The following TG variants were observed in gnomAD, a reference collection of about 807,000 sequenced individuals.
TG encodes thyroglobulin.
Under a neutral mutation model 324.7 loss-of-function variants are expected in TG, and 270 were observed. The ratio of observed to expected loss-of-function variants is 0.83; its 90% CI spans 0.75 to 0.92. The LOEUF (loss-of-function observed/expected upper bound fraction) is 0.92, where lower values mean the gene tolerates loss of function less well. Among genes scored for constraint, TG ranks in the 40% least tolerant of loss-of-function variants. The pLI, the probability that TG is intolerant of heterozygous loss-of-function variation, is 0.00. For synonymous variants in TG, 1,401 were observed against 1,327.0 expected, an observed-to-expected ratio of 1.06 and a Z score of -1.21; for missense variants, 3,591 against 3,456.4, an observed-to-expected ratio of 1.04 and a Z score of -0.98.
rs146692559 is a variant in TG at position 133,095,067 on chromosome 8, C to T, written c.7263C>T (p.Ala2421=). 71 of 1,613,814 alleles carry T rather than the reference C, an allele frequency of 4.4e-5. No individual in the cohort carries two copies. The African/African-American group carries it at 5.6e-4, about 13-fold the overall frequency. Residue 2421 remains alanine, a synonymous_variant, in exon 42 of 48, where the codon GCC becomes GCT. Coordinates refer to ENST00000220616, the MANE Select transcript of TG (RefSeq NM_003235.5). ...VLMGGSALSP[A]AVISHERAQQ... The stretch of plus-strand genomic sequence containing the variant: ...AGGGAGGCTCCGCACTCTCCCCGGC[C>T]GCCGTCATCAGCCATGAGAGGGCTC...
intron 41 of TG, among the ~76,000 whole-genome samples, chr8:133,071,732 C>T (rs766561046): frequency 6.6e-5 from 10 of 152,160 alleles, no homozygotes; most frequent in Admixed American, 2.6e-4. Flanking sequence ...ATGAAACCGA[C>T]TGCACTGACT....
In TG at chr8:132,886,515, C is replaced by A; in HGVS notation, c.1143C>A (p.Gly381=). 1 of 1,614,154 alleles carries A rather than the reference C, an allele frequency of 6.2e-7. No individual in the cohort carries two copies. Among genetic ancestry groups the A allele is most frequent in the East Asian group, 2.2e-5 (1 of 44,884 alleles). The change falls in exon 9 of 48, where the codon GGC becomes GGA. Residue 381 remains glycine (G), a synonymous_variant. Coordinates refer to ENST00000220616, the MANE Select transcript of TG (RefSeq NM_003235.5). ...CCAGACTCTACTTTGGGACCTCAGG[C>A]TACTTCAGCCAGCACGACCTGTTCT... is the stretch of plus-strand genomic sequence containing the variant. ...ALSRLYFGTS[G]YFSQHDLFSS... is the part of the protein sequence containing the mutation.
At position 132,887,000 on chromosome 8, in the gene TG, C is replaced by T. The variant is rs763864684; in HGVS notation, c.1628C>T (p.Thr543Ile). The change falls in exon 9 of 48, where the codon ACT becomes ATT. Residue 543 changes from threonine to isoleucine, a missense_variant. By Grantham distance (89) the Thr-to-Ile change is moderately conservative (BLOSUM62 -1). Coordinates refer to ENST00000220616, the MANE Select transcript of TG (RefSeq NM_003235.5). ...GTPEAAKKDG[T>I]MNKPTVGSFG... ...CCTGAAGCTGCTAAGAAGGATGGTACTATGAATAAGCCAACTGTGGGCAGC... is the reference window on the plus strand; with the variant it reads ...CCTGAAGCTGCTAAGAAGGATGGTATTATGAATAAGCCAACTGTGGGCAGC... The T allele has an allele frequency of 6.2e-7, 1 of 1,614,206 alleles. No individual in the cohort carries two copies. Among genetic ancestry groups the T allele is most frequent in the South Asian group, 1.1e-5 (1 of 91,082 alleles).
chr8:132,931,568 G>A (rs538397052), intron 23 of TG, among the ~76,000 whole-genome samples: 2 of 152,288 alleles, frequency 1.3e-5, no homozygotes, highest in African/African-American at 4.8e-5. Context: ...TGTTGGGGGT[G>A]TGAGGGGAAG....
intron 41 of TG, among the ~76,000 whole-genome samples, chr8:133,041,400 C>T (rs983065038): frequency 6.6e-6 from 1 of 152,194 alleles, no homozygotes; most frequent in South Asian, 2.1e-4. Flanking sequence ...GTTTTCAGTC[C>T]GACTTCAACT....
chr8:133,031,786 A>G (rs956662509), intron 41 of TG, among the ~76,000 whole-genome samples: 10 of 152,142 alleles, frequency 6.6e-5, no homozygotes, highest in African/African-American at 2.4e-4. Context: ...CTTGGAGTTC[A>G]TGCTCTGTTC....
intron 45 of TG, among the ~76,000 whole-genome samples, chr8:133,117,060 A>G (rs1435502049): frequency 1.3e-5 from 2 of 152,234 alleles, no homozygotes; most frequent in Non-Finnish European, 2.9e-5. Flanking sequence ...TCCAAAGTAT[A>G]AAAAGGCTTT....
At chr8:132,925,512 A>AGTGTGTGTGTGT (rs1262863949) in intron 22 of TG, among the ~76,000 whole-genome samples, 3 of 67,178 alleles carry the variant, frequency 4.5e-5, no homozygotes, top group East Asian at 3.5e-4. Flanking sequence ...AGTCCTAAGG[A>AGTGTGTGTGTGT]GTGCGTGTGT....
chr8:133,076,004 C>G (rs1844801008), intron 41 of TG: 1 of 152,100 alleles, frequency 6.6e-6, no homozygotes, highest in Non-Finnish European at 1.5e-5. Context: ...AATCTCCCTA[C>G]TTACAGTACG....
intron 34 of TG, among the ~76,000 whole-genome samples, chr8:132,979,545 A>G (rs1342640187): frequency 6.6e-6 from 1 of 152,212 alleles, no homozygotes; most frequent in Non-Finnish European, 1.5e-5. Context: ...TCCTATGAAC[A>G]GCTTCTTAAC....
chr8:132,948,553 C>A (rs1825673864), intron 26 of TG, among the ~76,000 whole-genome samples: 2 of 152,146 alleles, frequency 1.3e-5, no homozygotes, highest in South Asian at 4.1e-4. Flanking sequence ...GATCAGTAGG[C>A]TTGAAGGTGG....
At chr8:133,047,493 C>T (rs1231894463) in intron 41 of TG, 3 of 332,998 alleles carry the variant, frequency 9.0e-6, no homozygotes, top group Non-Finnish European at 1.7e-5. Context: ...ACAGCCCAGG[C>T]CCATACCAAA....
chr8:132,971,677 AG>A (rs1829537881), intron 32 of TG, 116 bp from the exon 33 acceptor site: 1 of 746,708 alleles, frequency 1.3e-6, no homozygotes, highest in Non-Finnish European at 2.4e-6. Context: ...CAGTTTAAGT[AG>A]GGGGTAAAAA....
At chr8:133,038,379 C>A (rs147729701) in intron 41 of TG, 1 of 665,456 alleles carries the variant, frequency 1.5e-6, no homozygotes, top group Non-Finnish European at 2.7e-6. Context: ...AGAGAAGATG[C>A]GAATTTGAGT....
chr8:133,004,091 T>TA (rs1360524692), intron 35 of TG, among the ~76,000 whole-genome samples: 1 of 152,238 alleles, frequency 6.6e-6, no homozygotes, highest in Non-Finnish European at 1.5e-5. Context: ...AAAGAGGCTG[T>TA]ATGACCTCAA....
At chr8:133,011,108 A>G (rs920549642) in intron 35 of TG, among the ~76,000 whole-genome samples, 3 of 152,180 alleles carry the variant, frequency 2.0e-5, no homozygotes, top group African/African-American at 4.8e-5. Context: ...ATATAGAAGG[A>G]AGTGAGGGGC....
At chr8:132,900,407 G>C (rs1817746219) in intron 15 of TG, 68 bp downstream of exon 15, 6 of 1,460,034 alleles carry the variant, frequency 4.1e-6, no homozygotes, top group Middle Eastern at 2.3e-4. Flanking sequence ...GGAGTCCAAA[G>C]AGCTGGCTTC....
chr8:132,927,529 A>C (rs1347177726), intron 22 of TG, among the ~76,000 whole-genome samples: 1 of 152,250 alleles, frequency 6.6e-6, no homozygotes, highest in East Asian at 1.9e-4. Context: ...AATTATACCA[A>C]CAGAATGTAT....
chr8:133,088,490 G>A (rs1002997680), intron 41 of TG, among the ~76,000 whole-genome samples: 2 of 152,154 alleles, frequency 1.3e-5, no homozygotes, highest in African/African-American at 4.8e-5. Context: ...CCCACTCCAA[G>A]CCTCAGTCTC....
Sources: allele counts gnomAD v4.1 joint callset (sites outside exome capture counted in the v4.1 genomes callset), GRCh38; gene constraint gnomAD v4.1.1; transcripts MANE v1.5; gene names NCBI Gene and HGNC (gene_info 2026-07-23, HGNC 2026-07-21).